Variants in NPAS3 observed in about 807,000 individuals in gnomAD.
NPAS3 encodes the protein neuronal PAS domain protein 3, also known as neuronal PAS domain-containing protein 3.
In NPAS3, 14 loss-of-function variants were observed where a neutral mutation model predicts 73.1. The observed-to-expected ratio is 0.19, with a 90% CI of 0.13 to 0.30. The LOEUF (loss-of-function observed/expected upper bound fraction) is 0.30. Among genes scored for constraint, NPAS3 ranks in the 10% least tolerant of loss-of-function variants. NPAS3 has a pLI of 1.00. For missense variants in NPAS3, 1,096 were observed against 1,250.0 expected (o/e 0.88, Z 1.86); for synonymous variants, 620 against 541.5 (o/e 1.14, Z -2.01).
intron 3 of NPAS3, among the ~76,000 whole-genome samples, chr14:33,245,871 C>A (rs1172361547): frequency 6.7e-6 from 1 of 150,238 alleles, no homozygotes; most frequent in African/African-American, 2.4e-5. Context: ...TTAAGTGTTA[C>A]AATGTACAAT....
intron 4 of NPAS3, among the ~76,000 whole-genome samples, chr14:33,375,282 A>G (rs988755812): frequency 1.3e-5 from 2 of 152,214 alleles, no homozygotes; most frequent in African/African-American, 2.4e-5. Context: ...ATATATTTGC[A>G]TATGCAAATT....
chr14:33,658,665 T>C (rs1337900917), intron 5 of NPAS3, among the ~76,000 whole-genome samples: 1 of 152,144 alleles, frequency 6.6e-6, no homozygotes, highest in African/African-American at 2.4e-5. Context: ...CATCTATAAT[T>C]TCCTCAAATG....
At chr14:33,367,346 T>G (rs192818953) in intron 4 of NPAS3, 78 bp downstream of exon 4, 1 of 672,152 alleles carries the variant, frequency 1.5e-6, no homozygotes, top group Non-Finnish European at 2.6e-6. Context: ...TTTAAAGAAT[T>G]TTTTTTAAAT....
At chr14:33,736,829 A>G (rs1037804333) in intron 7 of NPAS3, among the ~76,000 whole-genome samples, 2 of 152,198 alleles carry the variant, frequency 1.3e-5, no homozygotes, top group Middle Eastern at 3.2e-3. Context: ...TCAAAAAGCA[A>G]TATTAAGTAT....
intron 4 of NPAS3, among the ~76,000 whole-genome samples, chr14:33,547,341 T>C (rs939294607): frequency 6.6e-6 from 1 of 152,140 alleles, no homozygotes; most frequent in African/African-American, 2.4e-5. Flanking sequence ...GCAAATCTCA[T>C]TGGAGGCAAA....
At chr14:33,198,836 G>A (rs1159307739) in intron 2 of NPAS3, among the ~76,000 whole-genome samples, 1 of 152,220 alleles carries the variant, frequency 6.6e-6, no homozygotes, top group Non-Finnish European at 1.5e-5. Context: ...CCCACTGTGG[G>A]GGAGCTTGGG....
intron 5 of NPAS3, among the ~76,000 whole-genome samples, chr14:33,637,851 T>C (rs1595337034): frequency 6.6e-6 from 1 of 152,326 alleles, no homozygotes; most frequent in East Asian, 1.9e-4. Context: ...GCACTAAATA[T>C]GATGGTTGTA....
chr14:33,354,378 C>T (rs544782896), intron 3 of NPAS3, among the ~76,000 whole-genome samples: 30 of 152,300 alleles, frequency 2.0e-4, no homozygotes, highest in African/African-American at 7.0e-4. Flanking sequence ...AAAATGTCCT[C>T]TCTTCTTTCT....
chr14:33,559,600 CAG>C (rs2055535251), intron 4 of NPAS3, among the ~76,000 whole-genome samples: 1 of 152,202 alleles, frequency 6.6e-6, no homozygotes, highest in African/African-American at 2.4e-5. Context: ...ATCAAAATGA[CAG>C]AGACATAAGT....
chr14:32,957,209 CA>C, intron 1 of NPAS3, among the ~76,000 whole-genome samples: 1 of 152,046 alleles, frequency 6.6e-6, no homozygotes, highest in East Asian at 1.9e-4. Flanking sequence ...ATATGTTTTA[CA>C]GTTTTAAAAA....
At chr14:33,127,034 G>A (rs1378628233) in intron 2 of NPAS3, among the ~76,000 whole-genome samples, 3 of 151,576 alleles carry the variant, frequency 2.0e-5, no homozygotes, top group Non-Finnish European at 4.4e-5. Context: ...CATCTCCACT[G>A]CCCTGGCTCT....
chr14:33,191,045 TG>T (rs143742898), intron 2 of NPAS3, among the ~76,000 whole-genome samples: 29 of 152,340 alleles, frequency 1.9e-4, no homozygotes, highest in Non-Finnish European at 3.2e-4. Context: ...CCTCTCGTTT[TG>T]TAAATGGTCA....
intron 3 of NPAS3, among the ~76,000 whole-genome samples, chr14:33,360,625 G>T (rs1468887915): frequency 1.3e-5 from 2 of 152,122 alleles, no homozygotes; most frequent in South Asian, 2.1e-4. Context: ...AAGGACTAAA[G>T]TCCCACCCCC....
At chr14:33,385,288 A>G (rs764751216) in intron 4 of NPAS3, among the ~76,000 whole-genome samples, 13 of 152,064 alleles carry the variant, frequency 8.5e-5, no homozygotes, top group Non-Finnish European at 1.8e-4. Flanking sequence ...CGTGCTGTGG[A>G]GAAACTGCCA....
intron 2 of NPAS3, among the ~76,000 whole-genome samples, chr14:33,168,861 A>G (rs952269833): frequency 7.9e-5 from 12 of 152,208 alleles, no homozygotes; most frequent in African/African-American, 2.4e-4. Context: ...AAAGTAAAAA[A>G]TGAGTCTTTC....
chr14:33,332,413 G>T (rs1425180374), intron 3 of NPAS3, among the ~76,000 whole-genome samples: 1 of 152,172 alleles, frequency 6.6e-6, no homozygotes, highest in Admixed American at 6.5e-5. Context: ...ATGGAATGTA[G>T]TTAGACACCT....
chr14:33,401,370 T>C (rs2047438760), intron 4 of NPAS3, among the ~76,000 whole-genome samples: 1 of 152,144 alleles, frequency 6.6e-6, no homozygotes, highest in African/African-American at 2.4e-5. Context: ...GCTTTCCATA[T>C]AGCCATCTTA....
intron 4 of NPAS3, among the ~76,000 whole-genome samples, chr14:33,443,319 T>C (rs900400953): frequency 6.6e-6 from 1 of 152,222 alleles, no homozygotes; most frequent in Non-Finnish European, 1.5e-5. Context: ...TTGTAATGCA[T>C]GCTTGCTGCC....
chr14:33,544,360 T>A (rs1330339454), intron 4 of NPAS3, among the ~76,000 whole-genome samples: 2 of 152,104 alleles, frequency 1.3e-5, no homozygotes, highest in Non-Finnish European at 2.9e-5. Context: ...GACTAAATTG[T>A]GCCCCCACCA....
Sources: allele counts gnomAD v4.1 joint callset (sites outside exome capture counted in the v4.1 genomes callset), GRCh38; gene constraint gnomAD v4.1.1; transcripts MANE v1.5; gene names NCBI Gene and HGNC (gene_info 2026-07-23, HGNC 2026-07-21).